The following MED10 variants were observed in gnomAD, a reference collection of about 807,000 sequenced individuals.
MED10 encodes the protein mediator of RNA polymerase II transcription subunit 10.
MED10 carries 9 observed loss-of-function variants against 17.2 expected under a neutral mutation model. The observed-to-expected ratio is 0.52, with a 90% CI of 0.31 to 0.91. The LOEUF (loss-of-function observed/expected upper bound fraction) is 0.91. MED10 is among the 40% of genes least tolerant of loss of function. MED10 has a pLI of 0.04. For synonymous variants in MED10, 66 were observed against 59.8 expected, an observed-to-expected ratio of 1.10 and a Z score of -0.48; for missense variants, 129 against 164.8, an observed-to-expected ratio of 0.78 and a Z score of 1.19.
chr5:6,372,464 G>A lies in MED10; in HGVS notation c.*39C>T, dbSNP rs777325035. ...CGCAGTCCCAGCCTCACGCCGCATC[G>A]CAGTCCCAGGGGATCTTCACACAGG... is the stretch of plus-strand genomic sequence containing the variant. On this transcript the variant is annotated 3_prime_UTR_variant, in exon 4 of 4. Transcript: ENST00000255764. The A allele has an allele frequency of 4.2e-5, 65 of 1,561,990 alleles. No individual in the cohort carries two copies. The highest frequency in any genetic ancestry group is 5.5e-5 in the Non-Finnish European group (62 of 1,133,022).
intron 2 of MED10, chr5:6,376,790 T>G (rs1010797750): frequency 6.4e-6 from 1 of 155,818 alleles, no homozygotes; most frequent in Non-Finnish European, 1.4e-5. Flanking sequence ...ATTTACAATA[T>G]AGCCCTCATA....
chr5:6,377,052 A>G (rs1277736792), intron 2 of MED10, 114 bp downstream of exon 2: 10 of 557,416 alleles, frequency 1.8e-5, no homozygotes, highest in Non-Finnish European at 1.8e-5. Context: ...CCCAGCACCC[A>G]GGCTGTGCCT....
At chr5:6,377,736 G>A (rs1738028736) in intron 1 of MED10, among the ~76,000 whole-genome samples, 1 of 152,182 alleles carries the variant, frequency 6.6e-6, no homozygotes, top group South Asian at 2.1e-4. Flanking sequence ...CATTTTCTAT[G>A]TCCGTGCCAC....
intron 1 of MED10, 44 bp downstream of exon 1, chr5:6,378,318 G>T: frequency 1.3e-6 from 2 of 1,533,630 alleles, no homozygotes; most frequent in Non-Finnish European, 1.8e-6. Flanking sequence ...ACGCTTCCCG[G>T]CCAGGCCCTG....
chr5:6,378,300 C>T (rs1738043084), intron 1 of MED10, 62 bp downstream of exon 1: 1 of 1,495,418 alleles, frequency 6.7e-7, no homozygotes, highest in Admixed American at 2.1e-5. Context: ...TCCCCGCTCC[C>T]CTAGCACACG....
intron 3 of MED10, among the ~76,000 whole-genome samples, chr5:6,373,698 G>A (rs1302292068): frequency 5.3e-5 from 8 of 152,200 alleles, no homozygotes; most frequent in Non-Finnish European, 1.0e-4. Flanking sequence ...GGTCCCTGCT[G>A]CACACGGCAA....
chr5:6,375,582 G>A (rs953330806), intron 2 of MED10, among the ~76,000 whole-genome samples: 1 of 152,194 alleles, frequency 6.6e-6, no homozygotes, highest in Non-Finnish European at 1.5e-5. Flanking sequence ...TCAGCTGACG[G>A]TCGTTTCTTC....
At chr5:6,373,452 G>A (rs1277298971) in intron 3 of MED10, among the ~76,000 whole-genome samples, 4 of 152,228 alleles carry the variant, frequency 2.6e-5, no homozygotes, top group African/African-American at 7.2e-5. Context: ...CTCAAGGAAA[G>A]CTTTAGAAAA....
chr5:6,378,203 G>A (rs1317931047), intron 1 of MED10, among the ~76,000 whole-genome samples, 159 bp downstream of exon 1: 1 of 152,220 alleles, frequency 6.6e-6, no homozygotes, highest in Non-Finnish European at 1.5e-5. Flanking sequence ...TCTGAACACA[G>A]CCAGGAAAGG....
At chr5:6,378,291 C>G (rs1480754206) in intron 1 of MED10, 71 bp downstream of exon 1, 1 of 1,471,476 alleles carries the variant, frequency 6.8e-7, no homozygotes, top group Non-Finnish European at 9.0e-7. Flanking sequence ...CTCCCTAGAT[C>G]CCCGCTCCCC....
Position 6,372,513 on chromosome 5 carries a change from G to A in MED10, c.398C>T (p.Pro133Leu), listed in dbSNP as rs779958958. The A allele has an allele frequency of 1.2e-4, 195 of 1,613,914 alleles. No individual in the cohort carries two copies. Among genetic ancestry groups the A allele is most frequent in the South Asian group, 2.2e-4 (20 of 91,086 alleles). ...KYRSIRGEDHPPS is the reference protein window; with the variant it reads ...KYRSIRGEDHLPS ...GGGAGGGTGAGCTGGTTAAGAAGGCGGGTGATCCTCCCCCCGGATGCTTCG... is the reference window on the plus strand; with the variant it reads ...GGGAGGGTGAGCTGGTTAAGAAGGCAGGTGATCCTCCCCCCGGATGCTTCG... The change falls in exon 4 of 4, where the codon CCG becomes CTG. Residue 133 changes from proline to leucine, a missense_variant. This residue lies in a region of MED10 where 100 missense variants were observed against 121.0 expected (regional missense o/e 0.83). Transcript: ENST00000255764.
At chr5:6,375,733 T>C (rs555635208) in intron 2 of MED10, among the ~76,000 whole-genome samples, 100 of 152,330 alleles carry the variant, frequency 6.6e-4, no homozygotes, top group South Asian at 2.9e-3. Flanking sequence ...TATGAAAATG[T>C]ACACGCTGCA....
rs555993547 is a variant in MED10, at chr5:6,373,217, C to T, written c.310-616G>A. ...CTAGGCAGGTCTCCTTCTGACAGCT[C>T]CTCCCCTTGCTCCTCCCACTCGGCC... On this transcript the variant is annotated intron_variant, in intron 3 of 3. Transcript: ENST00000255764. Among the ~76,000 whole-genome samples, 14 of 152,248 alleles carry T rather than the reference C, an allele frequency of 9.2e-5. No homozygotes were observed. The South Asian group carries it at 2.1e-3, about 23-fold the overall frequency.
chr5:6,376,028 G>A (rs2053852846), intron 2 of MED10, among the ~76,000 whole-genome samples: 2 of 152,342 alleles, frequency 1.3e-5, no homozygotes, highest in African/African-American at 2.4e-5. Context: ...AAAGGAGGAT[G>A]CTCTGTATTC....
At chr5:6,378,143 G>A (rs1272454168) in intron 1 of MED10, among the ~76,000 whole-genome samples, 1 of 152,242 alleles carries the variant, frequency 6.6e-6, no homozygotes, top group East Asian at 1.9e-4. Context: ...CTCCAAAGGG[G>A]CCTCAAAGAG....
At chr5:6,377,954 T>G (rs769086319) in intron 1 of MED10, among the ~76,000 whole-genome samples, 13 of 152,306 alleles carry the variant, frequency 8.5e-5, no homozygotes, top group Non-Finnish European at 1.8e-4. Flanking sequence ...AGGCCTAGTT[T>G]AGGGCGTGCA....
At chr5:6,376,281 T>C (rs981971531) in intron 2 of MED10, among the ~76,000 whole-genome samples, 5 of 152,148 alleles carry the variant, frequency 3.3e-5, no homozygotes, top group African/African-American at 1.2e-4. Flanking sequence ...AAAACAGCCA[T>C]AACTCTTTCC....
At position 6,378,250 on chromosome 5, in the gene MED10, G is replaced by A. The variant is rs1738041509; in HGVS notation, c.122+112C>T. 6.5e-6 allele frequency: 9 copies of A among 1,386,574 alleles called. No individual in the cohort carries two copies. In the South Asian group the frequency reaches 1.4e-4, roughly 21 times the overall value. The allele number at this position is 1,386,574 out of a possible 1,614,324, so 85.9% of individuals were successfully genotyped here. A position where few individuals can be genotyped will look rare whatever the true frequency, so the allele number is the denominator to read the frequency against. ...CCGGGACCAGACCAGAGGGCTGGCG[G>A]GGCACGAGTAGCGGTCAGGCTCGGC... On this transcript the variant is annotated intron_variant, in intron 1 of 3. Coordinates refer to ENST00000255764, the MANE Select transcript of MED10 (RefSeq NM_032286.3).
intron 2 of MED10, 42 bp from the exon 3 acceptor site, chr5:6,374,468 C>T (rs1737952621): frequency 2.3e-6 from 3 of 1,311,374 alleles, no homozygotes; most frequent in Admixed American, 1.7e-5. Flanking sequence ...TCATGACTGA[C>T]ACCTATTCTC....
Sources: gnomAD v4.1 joint callset for allele counts (sites outside exome capture counted in the v4.1 genomes callset) on GRCh38, gnomAD v4.1.1 for gene constraint, gnomAD v4.1.1 regional missense constraint, MANE v1.5 for transcripts, NCBI Gene and HGNC (gene_info 2026-07-23, HGNC 2026-07-21) for gene names.